GNA12: variants seen among roughly 807,000 people sequenced by gnomAD.
GNA12 encodes guanine nucleotide-binding protein subunit alpha-12.
Under a neutral mutation model 26.0 loss-of-function variants are expected in GNA12, and 9 were observed. The ratio of observed to expected loss-of-function variants is 0.35; its 90% confidence interval spans 0.21 to 0.60. The LOEUF (loss-of-function observed/expected upper bound fraction) is 0.60. Among genes scored for constraint, GNA12 ranks in the 20% least tolerant of loss-of-function variants. GNA12 has a pLI of 0.78. For synonymous variants in GNA12, 264 were observed against 219.6 expected (o/e 1.20, Z -1.79); for missense variants, 405 against 525.8 (o/e 0.77, Z 2.25).
chr7:2,788,931 T>C (rs1792434929), intron 2 of GNA12, among the ~76,000 whole-genome samples: 1 of 151,812 alleles, frequency 6.6e-6, no homozygotes, highest in African/African-American at 2.4e-5. Context: ...GCGATTCTCC[T>C]GCCTCAGCCT....
chr7:2,729,707 G>A lies in GNA12; in HGVS notation c.*1474C>T, dbSNP rs60930161. The A allele has an allele frequency of 1.3e-5, 2 of 152,420 alleles. No individual in the cohort carries two copies. Among genetic ancestry groups the A allele is most frequent in the African/African-American group, 4.8e-5 (2 of 41,456 alleles). The allele number at this position is 152,420 out of a possible 1,614,324, so 9.4% of individuals were successfully genotyped here. A position where few individuals can be genotyped will look rare whatever the true frequency, so the allele number is the denominator to read the frequency against. On this transcript the variant is annotated 3_prime_UTR_variant, in exon 4 of 4. Transcript: ENST00000275364. ...CGAGGGCCCTGGGATATGTGACTGA[G>A]CCACAGCAACATTCGGGTGCCAATT...
chr7:2,788,052 G>C (rs1309541211), intron 2 of GNA12, among the ~76,000 whole-genome samples: 1 of 152,138 alleles, frequency 6.6e-6, no homozygotes, highest in Non-Finnish European at 1.5e-5. Context: ...CTGCTCGTGG[G>C]AGGCTGAGGG....
At chr7:2,774,632 C>CA (rs1396591871) in intron 2 of GNA12, among the ~76,000 whole-genome samples, 3 of 152,098 alleles carry the variant, frequency 2.0e-5, no homozygotes, top group Non-Finnish European at 4.4e-5. Flanking sequence ...ATATAAGGGT[C>CA]AAAAAAAGTA....
intron 1 of GNA12, among the ~76,000 whole-genome samples, chr7:2,840,273 A>C (rs1005984783): frequency 2.0e-5 from 3 of 152,224 alleles, no homozygotes; most frequent in African/African-American, 7.2e-5. Context: ...AATTTTTAAA[A>C]AAGGCATGTT....
At chr7:2,782,482 G>C (rs1484078869) in intron 2 of GNA12, among the ~76,000 whole-genome samples, 1 of 152,090 alleles carries the variant, frequency 6.6e-6, no homozygotes, top group Non-Finnish European at 1.5e-5. Context: ...CTCTCTTGTA[G>C]ACACCACCTC....
Position 2,826,105 on chromosome 7 carries a change from G to A in GNA12, c.309+17748C>T, listed in dbSNP as rs190639915. 4.4e-3 allele frequency among the ~76,000 whole-genome samples: 676 copies of A among 152,180 alleles called. 7 individuals carry two copies. The highest frequency in any genetic ancestry group is 0.015 in the African/African-American group (642 of 41,490). The stretch of plus-strand genomic sequence containing the variant: ...AAAACTAAACATACTCGGGCCGGGG[G>A]CGGTGGCTCACACCTGTAATCCTAG... On this transcript the variant is annotated intron_variant, in intron 1 of 3. Transcript: ENST00000275364.
chr7:2,809,264 G>C (rs990102672), intron 1 of GNA12, among the ~76,000 whole-genome samples: 14 of 152,230 alleles, frequency 9.2e-5, no homozygotes, highest in African/African-American at 3.1e-4. Context: ...CTGTTGGCAG[G>C]ATGAACTAAG....
rs767837122 is a variant in GNA12 at position 2,731,590 on chromosome 7, G to A, written c.737C>T (p.Thr246Met). The change falls in exon 4 of 4, where the codon ACG becomes ATG. Residue 246 changes from threonine (T) to methionine (M), a missense_variant. Physicochemically the swap from Thr to Met is moderately conservative, Grantham distance 81. Transcript: ENST00000275364. The surrounding 1 kb of genome is among the most constrained non-coding windows in gnomAD (Gnocchi z 6.0). ...GGAGGAGACCATGAACAGGATGGAC[G>A]TGATCCCGTCGAAGCACTGGAACCA... ...QKWFQCFDGI[T>M]SILFMVSSSE... 11 of 1,613,570 alleles carry A rather than the reference G, an allele frequency of 6.8e-6. No homozygotes were observed. In the Admixed American group the frequency reaches 1.0e-4, roughly 15 times the overall value.
At chr7:2,843,744 C>G (rs750356642) in intron 1 of GNA12, 109 bp downstream of exon 1, 1 of 489,064 alleles carries the variant, frequency 2.0e-6, no homozygotes, top group Non-Finnish European at 3.5e-6. Flanking sequence ...ATCCAGCATC[C>G]TCGCCCCAGG....
At chr7:2,819,614 GATCTGT>G (rs1181467105) in intron 1 of GNA12, among the ~76,000 whole-genome samples, 1 of 152,094 alleles carries the variant, frequency 6.6e-6, no homozygotes, top group Admixed American at 6.6e-5. Flanking sequence ...ATGGGCAAAG[GATCTGT>G]ATAGCCATAT....
chr7:2,771,028 C>T (rs1180263519), intron 2 of GNA12, among the ~76,000 whole-genome samples: 1 of 152,212 alleles, frequency 6.6e-6, no homozygotes, highest in Non-Finnish European at 1.5e-5. Context: ...CCGTGGCTCA[C>T]ACCTGTAATC....
intron 2 of GNA12, among the ~76,000 whole-genome samples, chr7:2,789,378 G>A (rs1221227003): frequency 3.5e-5 from 5 of 142,546 alleles, no homozygotes; most frequent in Non-Finnish European, 6.1e-5. Flanking sequence ...CTCGTGATCC[G>A]CCCGCCTCGG....
chr7:2,809,868 A>T (rs1450975187), intron 1 of GNA12, among the ~76,000 whole-genome samples: 1 of 152,224 alleles, frequency 6.6e-6, no homozygotes, highest in African/African-American at 2.4e-5. Context: ...TGTTAGTAAT[A>T]AATATTACTT....
intron 1 of GNA12, among the ~76,000 whole-genome samples, chr7:2,815,557 C>T (rs1793199802): frequency 6.6e-6 from 1 of 152,230 alleles, no homozygotes. Context: ...CCAGGGACCA[C>T]CCTGATAGCA....
At position 2,736,290 on chromosome 7, in the gene GNA12, G is replaced by A. The variant is rs144443232; in HGVS notation, c.526-2789C>T. Among the ~76,000 whole-genome samples, 267 of 152,276 alleles carry A rather than the reference G, an allele frequency of 1.8e-3. 1 individual carries two copies. Among genetic ancestry groups the A allele is most frequent in the African/African-American group, 6.0e-3 (250 of 41,548 alleles). On this transcript the variant is annotated intron_variant, in intron 2 of 3. Transcript: ENST00000275364. ...CTGCGGTCACACGATCTAGAAACAC[G>A]AGTGGATCCAAAGTGGGCTCTCGGG... is the stretch of plus-strand genomic sequence containing the variant.
At chr7:2,792,059 C>T (rs1189961026) in intron 2 of GNA12, among the ~76,000 whole-genome samples, 1 of 152,146 alleles carries the variant, frequency 6.6e-6, no homozygotes, top group Non-Finnish European at 1.5e-5. Context: ...TAAGATCGAA[C>T]CAAAGGGACG....
At chr7:2,760,224 C>G (rs1044216664) in intron 2 of GNA12, 4 of 152,358 alleles carry the variant, frequency 2.6e-5, no homozygotes, top group African/African-American at 9.6e-5. Flanking sequence ...CGTGCAGAGT[C>G]CAGGCAGGAG....
Position 2,797,740 on chromosome 7 carries a change from C to G in GNA12, c.310-2597G>C, listed in dbSNP as rs192361034. On this transcript the variant is annotated intron_variant, in intron 1 of 3. Coordinates refer to ENST00000275364, the MANE Select transcript of GNA12 (RefSeq NM_007353.3). ...TCCAGACCCAGCTGACCAGGACGGTCTGGTTAGAGATGCTCCCTGATTTTC... is the reference window on the plus strand; with the variant it reads ...TCCAGACCCAGCTGACCAGGACGGTGTGGTTAGAGATGCTCCCTGATTTTC... 4.2e-3 allele frequency among the ~76,000 whole-genome samples: 643 copies of G among 152,248 alleles called. 6 individuals are homozygous for G. The highest frequency in any genetic ancestry group is 0.015 in the African/African-American group (612 of 41,538).
At chr7:2,762,627 A>G (rs764847511) in intron 2 of GNA12, 38 of 1,574,290 alleles carry the variant, frequency 2.4e-5, no homozygotes, top group Middle Eastern at 1.7e-4. Flanking sequence ...ATAAGACCCC[A>G]ATGCCATGAA....
Sources: allele counts gnomAD v4.1 joint callset (sites outside exome capture counted in the v4.1 genomes callset), GRCh38; gene constraint gnomAD v4.1.1; non-coding constraint Gnocchi (gnomAD v3.1); transcripts MANE v1.5; gene names NCBI Gene and HGNC (gene_info 2026-07-23, HGNC 2026-07-21).